The following SCN8A variants were observed in gnomAD, a reference collection of about 807,000 sequenced individuals.
The protein encoded by SCN8A is sodium voltage-gated channel alpha subunit 8.
In SCN8A, 30 loss-of-function variants were observed where a neutral mutation model predicts 184.1. The ratio of observed to expected loss-of-function variants is 0.16; its 90% CI spans 0.12 to 0.22. The LOEUF (loss-of-function observed/expected upper bound fraction) is 0.22, where lower values mean the gene tolerates loss of function less well. Ranked by LOEUF, SCN8A falls within the 10% of genes least tolerant of loss-of-function variation. The pLI, the probability that SCN8A is intolerant of heterozygous loss-of-function variation, is 1.00. For missense variants in SCN8A, 1,057 were observed against 2,498.9 expected (o/e 0.42, Z 12.30); for synonymous variants, 852 against 907.0 (o/e 0.94, Z 1.09).
At chr12:51,772,224 C>T (rs1472219831) in intron 19 of SCN8A, among the ~76,000 whole-genome samples, 1 of 151,944 alleles carries the variant, frequency 6.6e-6, no homozygotes, top group Non-Finnish European at 1.5e-5. Flanking sequence ...GGAGAAACCA[C>T]GTCTCTAGTA....
chr12:51,691,186 A>T (rs1290670858), intron 6 of SCN8A, among the ~76,000 whole-genome samples: 2 of 151,836 alleles, frequency 1.3e-5, no homozygotes, highest in African/African-American at 2.4e-5. Context: ...CCCTCAGCGT[A>T]CTCTGCAAGG....
intron 12 of SCN8A, among the ~76,000 whole-genome samples, chr12:51,723,984 CAGAG>C (rs780803890): frequency 1.3e-5 from 2 of 152,174 alleles, no homozygotes; most frequent in Non-Finnish European, 2.9e-5. Context: ...TCAGACCCCT[CAGAG>C]ACCCTAATCT....
chr12:51,656,104 A>G (rs910599951), intron 1 of SCN8A, among the ~76,000 whole-genome samples: 8 of 152,324 alleles, frequency 5.3e-5, no homozygotes, highest in African/African-American at 1.7e-4. Flanking sequence ...AACAGAAGAC[A>G]TTTAAGCTTG....
chr12:51,653,284 CTT>C (rs1313920414), intron 1 of SCN8A, among the ~76,000 whole-genome samples: 1 of 152,228 alleles, frequency 6.6e-6, no homozygotes, highest in Non-Finnish European at 1.5e-5. Context: ...CATTTATAAA[CTT>C]TTTCATCATC....
At chr12:51,618,647 G>C (rs1225246136) in intron 1 of SCN8A, among the ~76,000 whole-genome samples, 1 of 152,150 alleles carries the variant, frequency 6.6e-6, no homozygotes, top group Non-Finnish European at 1.5e-5. Flanking sequence ...GATTTTAGTT[G>C]AATACAGTGG....
intron 1 of SCN8A, among the ~76,000 whole-genome samples, chr12:51,602,438 A>C (rs1022484703): frequency 6.6e-6 from 1 of 152,202 alleles, no homozygotes; most frequent in Admixed American, 6.5e-5. Flanking sequence ...GTGGCTATCA[A>C]GGGTTGTGAG....
intron 12 of SCN8A, among the ~76,000 whole-genome samples, chr12:51,738,342 A>C (rs1481879883): frequency 6.6e-6 from 1 of 152,174 alleles, no homozygotes; most frequent in Non-Finnish European, 1.5e-5. Context: ...GCCCCTCACA[A>C]TGCAAAATAT....
intron 1 of SCN8A, among the ~76,000 whole-genome samples, chr12:51,635,803 A>G (rs1429219489): frequency 6.6e-6 from 1 of 152,198 alleles, no homozygotes; most frequent in Non-Finnish European, 1.5e-5. Flanking sequence ...TTGTTTTTAA[A>G]TCTGGCCTTA....
At chr12:51,716,579 GTAGAATAAGTAAAT>G (rs1592401344) in intron 11 of SCN8A, among the ~76,000 whole-genome samples, 1 of 152,116 alleles carries the variant, frequency 6.6e-6, no homozygotes, top group East Asian at 1.9e-4. Context: ...GAAAGATGAA[GTAGAATAAGTAAAT>G]TAGAGTCAAA....
chr12:51,801,686 TC>T (rs1258374973), intron 26 of SCN8A, among the ~76,000 whole-genome samples: 1 of 152,212 alleles, frequency 6.6e-6, no homozygotes, highest in African/African-American at 2.4e-5. Context: ...AACTTTATGT[TC>T]CTTCCACCGT....
At chr12:51,653,440 G>T (rs1314915590) in intron 1 of SCN8A, among the ~76,000 whole-genome samples, 3 of 152,016 alleles carry the variant, frequency 2.0e-5, no homozygotes, top group Non-Finnish European at 4.4e-5. Context: ...TTGTCCTTTT[G>T]TATCTTGTTT....
intron 12 of SCN8A, among the ~76,000 whole-genome samples, chr12:51,742,883 TTTG>T (rs568036860): frequency 2.6e-5 from 4 of 152,060 alleles, no homozygotes; most frequent in Admixed American, 6.5e-5. Context: ...TGTGCTTCGT[TTTG>T]TTGTTGTTGT....
intron 6 of SCN8A, among the ~76,000 whole-genome samples, chr12:51,693,726 C>T (rs1489148009): frequency 2.0e-5 from 3 of 152,136 alleles, no homozygotes; most frequent in South Asian, 4.1e-4. Context: ...TACTTTACCC[C>T]TATGCTTTGT....
intron 25 of SCN8A, among the ~76,000 whole-genome samples, chr12:51,792,877 G>C (rs1288618180): frequency 2.6e-5 from 4 of 152,080 alleles, no homozygotes; most frequent in African/African-American, 9.7e-5. Flanking sequence ...CGAGTAGCTG[G>C]GACCACAGGC....
chr12:51,765,170 C>T (rs141103508), intron 15 of SCN8A, among the ~76,000 whole-genome samples: 26 of 151,896 alleles, frequency 1.7e-4, no homozygotes, highest in African/African-American at 5.8e-4. Flanking sequence ...CATATCACAA[C>T]GGTTTTTTTT....
At chr12:51,745,636 A>G (rs548565119) in intron 12 of SCN8A, among the ~76,000 whole-genome samples, 1 of 152,308 alleles carries the variant, frequency 6.6e-6, no homozygotes, top group African/African-American at 2.4e-5. Context: ...CTTGGAATGA[A>G]CCAGGTGAGA....
intron 1 of SCN8A, among the ~76,000 whole-genome samples, chr12:51,617,103 T>A (rs1939857092): frequency 6.6e-6 from 1 of 152,198 alleles, no homozygotes; most frequent in Non-Finnish European, 1.5e-5. Flanking sequence ...GAGTTTATCC[T>A]GTTTGGTGAT....
rs912803872 is a variant in SCN8A at position 51,808,362 on chromosome 12, A to G, written c.*933A>G. On this transcript the variant is annotated 3_prime_UTR_variant, in exon 27 of 27. Coordinates refer to ENST00000627620, the MANE Select transcript of SCN8A (RefSeq NM_001330260.2). Reference sequence around the variant, plus strand: ...ACAAGCAGATGGATCCGTTGCGTGTATATGTTTAACAGACATCTCTAACAT... The same window carrying G: ...ACAAGCAGATGGATCCGTTGCGTGTGTATGTTTAACAGACATCTCTAACAT... 1.3e-5 allele frequency: 2 copies of G among 152,698 alleles called. No individual in the cohort carries two copies. The highest frequency in any genetic ancestry group is 4.8e-5 in the African/African-American group (2 of 41,464). The allele number at this position is 152,698 out of a possible 1,614,324, so 9.5% of individuals were successfully genotyped here.
intron 11 of SCN8A, among the ~76,000 whole-genome samples, chr12:51,718,781 C>T (rs1185567640): frequency 1.3e-5 from 2 of 150,248 alleles, no homozygotes; most frequent in African/African-American, 4.9e-5. Context: ...TTGATCATTT[C>T]AACCATCTAT....
Sources: gnomAD v4.1 joint callset for allele counts (sites outside exome capture counted in the v4.1 genomes callset) on GRCh38, gnomAD v4.1.1 for gene constraint, MANE v1.5 for transcripts, NCBI Gene and HGNC (gene_info 2026-07-23, HGNC 2026-07-21) for gene names.